Variants in CRYM observed in about 807,000 individuals in gnomAD.
CRYM encodes the protein crystallin mu.
CRYM carries 18 observed loss-of-function variants against 32.9 expected under a neutral mutation model. That is an observed-to-expected ratio of 0.55 (90% CI 0.38 to 0.81). The LOEUF (loss-of-function observed/expected upper bound fraction) is 0.81, where lower values mean the gene tolerates loss of function less well. CRYM is among the 30% of genes least tolerant of loss of function. CRYM has a pLI of 0.00. For missense variants in CRYM, 337 were observed against 393.5 expected (o/e 0.86, Z 1.21); for synonymous variants, 153 against 152.4 (o/e 1.00, Z -0.03).
chr16:21,293,492 G>A (rs1960715101), intron 1 of CRYM, among the ~76,000 whole-genome samples: 2 of 152,164 alleles, frequency 1.3e-5, no homozygotes, highest in South Asian at 4.1e-4. Context: ...ACTAGACCTA[G>A]TCAATCAAAA....
At chr16:21,282,431 G>GT (rs397967660), upstream of CRYM, among the ~76,000 whole-genome samples, 420 of 148,836 alleles carry the variant, frequency 2.8e-3, 2 homozygotes, top group African/African-American at 7.6e-3. Flanking sequence ...AAATTGTGTG[G>GT]TTTTTTTTTT....
chr16:21,287,371 C>T lies in CRYM; in HGVS notation c.-192-8411G>A, dbSNP rs572894857. 7.9e-5 allele frequency among the ~76,000 whole-genome samples: 12 copies of T among 152,266 alleles called. No homozygotes were observed. The East Asian group carries it at 2.3e-3, about 29-fold the overall frequency. On this transcript the variant is annotated intron_variant, in intron 1 of 9. Coordinates refer to the CRYM transcript ENST00000219599. The stretch of plus-strand genomic sequence containing the variant: ...CAGAAATATGTATTTGGTCTTCATC[C>T]CTTGTTCCTGGCACAGAGCTCCCAC...
chr16:21,292,957 T>G lies in CRYM; in HGVS notation c.-193+10021A>C, dbSNP rs77161688. Among the ~76,000 whole-genome samples, 115 of 152,054 alleles carry G rather than the reference T, an allele frequency of 7.6e-4. 1 individual carries two copies. In the East Asian group the frequency reaches 0.02, roughly 27 times the overall value. On this transcript the variant is annotated intron_variant, in intron 1 of 9. Transcript: ENST00000219599. ...GAGACAGAGAAGATAAATGCATGGA[T>G]GGATGGATGGATGGATTGATGGATG...
intron 5 of CRYM, among the ~76,000 whole-genome samples, chr16:21,266,241 A>AACAG (rs2093363466): frequency 6.6e-6 from 1 of 152,024 alleles, no homozygotes; most frequent in Non-Finnish European, 1.5e-5. Context: ...CAAACAAACA[A>AACAG]ACAAACAAAA....
chr16:21,289,254 T>C (rs1184536373), intron 1 of CRYM, among the ~76,000 whole-genome samples: 1 of 152,228 alleles, frequency 6.6e-6, no homozygotes, highest in African/African-American at 2.4e-5. Context: ...TTTAGGGCTG[T>C]GTTGTTAGGA....
intron 5 of CRYM, among the ~76,000 whole-genome samples, chr16:21,266,620 T>C (rs1021783483): frequency 6.6e-6 from 1 of 152,128 alleles, no homozygotes; most frequent in Admixed American, 6.6e-5. Context: ...TAATTCTTAG[T>C]GTTAAGAAAA....
At chr16:21,267,294 T>C (rs538806547) in intron 5 of CRYM, among the ~76,000 whole-genome samples, 1 of 152,142 alleles carries the variant, frequency 6.6e-6, no homozygotes, top group East Asian at 2.0e-4. Context: ...GACGGGGTTT[T>C]GCCATGTTGA....
intron 1 of CRYM, among the ~76,000 whole-genome samples, chr16:21,284,373 C>G (rs1241055521): frequency 6.6e-6 from 1 of 151,958 alleles, no homozygotes; most frequent in Non-Finnish European, 1.5e-5. Context: ...GTGCACAGTT[C>G]CCTGACTTTT....
intron 1 of CRYM, among the ~76,000 whole-genome samples, chr16:21,293,353 G>A (rs572810333): frequency 6.6e-6 from 1 of 152,292 alleles, no homozygotes; most frequent in South Asian, 2.1e-4. Flanking sequence ...GAGTGCTACA[G>A]GAGACAGTGA....
At chr16:21,268,023 C>G (rs1183499217) in intron 4 of CRYM, among the ~76,000 whole-genome samples, 1 of 152,228 alleles carries the variant, frequency 6.6e-6, no homozygotes, top group Non-Finnish European at 1.5e-5. Flanking sequence ...GCCTCAGTAA[C>G]TTCATAGCTA....
At chr16:21,271,815 T>C (rs1172956554) in intron 3 of CRYM, among the ~76,000 whole-genome samples, 1 of 152,218 alleles carries the variant, frequency 6.6e-6, no homozygotes, top group African/African-American at 2.4e-5. Flanking sequence ...GTTGTCTTAC[T>C]TGATAATTTG....
At chr16:21,261,566 C>T (rs779276093) in intron 6 of CRYM, 47 of 582,154 alleles carry the variant, frequency 8.1e-5, no homozygotes, top group Non-Finnish European at 1.4e-4. Flanking sequence ...CACAGAGATT[C>T]GAGTTGGTGC....
intron 1 of CRYM, chr16:21,283,778 C>T (rs961889148): frequency 6.6e-6 from 1 of 152,434 alleles, no homozygotes; most frequent in East Asian, 1.9e-4. Context: ...CACTCCCACC[C>T]CGGTCTGCCC....
At chr16:21,294,790 G>T (rs1221325525) in intron 1 of CRYM, among the ~76,000 whole-genome samples, 1 of 151,018 alleles carries the variant, frequency 6.6e-6, no homozygotes, top group Non-Finnish European at 1.5e-5. Context: ...CACCTCCTGG[G>T]TTCACACCAT....
intron 2 of CRYM, among the ~76,000 whole-genome samples, chr16:21,276,598 C>T (rs1024624874): frequency 5.9e-5 from 9 of 152,106 alleles, no homozygotes; most frequent in African/African-American, 1.9e-4. Context: ...AGGACCTCAA[C>T]AGAAATTGGG....
At chr16:21,297,424 T>A (rs763795604) in intron 1 of CRYM, among the ~76,000 whole-genome samples, 1 of 152,126 alleles carries the variant, frequency 6.6e-6, no homozygotes, top group East Asian at 1.9e-4. Context: ...CAAAGACTCA[T>A]GAACACAAGG....
chr16:21,258,721 A>G lies in CRYM; in HGVS notation c.*60T>C. On this transcript the variant is annotated 3_prime_UTR_variant, in exon 8 of 8. Transcript: ENST00000572914. ...CTGGACTCCCTCATTTACTCTAGAAATTATGAGAACCAGCAGCAATATTCC... is the reference window on the plus strand; with the variant it reads ...CTGGACTCCCTCATTTACTCTAGAAGTTATGAGAACCAGCAGCAATATTCC... The G allele has an allele frequency of 6.8e-7, 1 of 1,460,774 alleles. No homozygotes were observed. 90.5% of individuals were successfully genotyped at this position (1,460,774 alleles called of 1,614,324 possible). A position where few individuals can be genotyped will look rare whatever the true frequency, so the allele number is the denominator to read the frequency against.
chr16:21,285,221 G>A (rs148050918), intron 1 of CRYM, among the ~76,000 whole-genome samples: 3 of 152,180 alleles, frequency 2.0e-5, no homozygotes, highest in East Asian at 1.9e-4. Context: ...ATGATACTTC[G>A]CCTGATTATT....
chr16:21,293,244 C>T (rs1960707774), intron 1 of CRYM, among the ~76,000 whole-genome samples: 1 of 152,168 alleles, frequency 6.6e-6, no homozygotes, highest in South Asian at 2.1e-4. Context: ...AACCTCTTAA[C>T]TCTATCCCAG....
Sources: allele counts gnomAD v4.1 joint callset (sites outside exome capture counted in the v4.1 genomes callset), GRCh38; gene constraint gnomAD v4.1.1; transcripts MANE v1.5; gene names NCBI Gene and HGNC (gene_info 2026-07-23, HGNC 2026-07-21).